The following LRP1B variants were observed in gnomAD, a reference collection of about 807,000 sequenced individuals.
LRP1B encodes low-density lipoprotein receptor-related protein 1B.
LRP1B carries 217 observed loss-of-function variants against 556.6 expected under a neutral mutation model. The ratio of observed to expected loss-of-function variants is 0.39; its 90% CI spans 0.35 to 0.44. The LOEUF is 0.44. Among genes scored for constraint, LRP1B ranks in the 20% least tolerant of loss-of-function variants. LRP1B has a pLI of 1.00. For synonymous variants in LRP1B, 2,047 were observed against 1,865.8 expected, an observed-to-expected ratio of 1.10 and a Z score of -2.50; for missense variants, 5,053 against 5,620.8, an observed-to-expected ratio of 0.90 and a Z score of 3.23.
Position 142,130,959 on chromosome 2 carries a change from G to C in LRP1B, c.-230C>G, listed in dbSNP as rs1205987566. On this transcript the variant is annotated 5_prime_UTR_variant, in exon 1 of 91. Transcript: ENST00000389484. ...GCGTGCGGGAGAGAGGAGGCAGAGC[G>C]TGTGTGAGCGCGAGCGAGACGCCCG... 3 of 580,842 alleles carry C rather than the reference G, an allele frequency of 5.2e-6. No individual in the cohort carries two copies. The highest frequency in any genetic ancestry group is 9.3e-6 in the Non-Finnish European group (3 of 323,606). The allele number at this position is 580,842 out of a possible 1,614,324, so 36.0% of individuals were successfully genotyped here.
chr2:140,427,886 A>G lies in LRP1B; in HGVS notation c.10414+14618T>C, dbSNP rs1685731999. 2.0e-5 allele frequency among the ~76,000 whole-genome samples: 3 copies of G among 151,456 alleles called. No individual in the cohort carries two copies. In the South Asian group the frequency reaches 6.3e-4, roughly 32 times the overall value. On this transcript the variant is annotated intron_variant, in intron 66 of 90. Coordinates refer to ENST00000389484, the MANE Select transcript of LRP1B (RefSeq NM_018557.3). The stretch of plus-strand genomic sequence containing the variant: ...TCCTTTTATCACCTCCCTTCCTCAC[A>G]CGGGGTCCGGCTTACAGTTTCATGC...
intron 3 of LRP1B, among the ~76,000 whole-genome samples, chr2:141,468,650 A>G (rs761898656): frequency 2.0e-5 from 3 of 152,190 alleles, no homozygotes; most frequent in Non-Finnish European, 4.4e-5. Context: ...TATTTAATTA[A>G]CCTAACTAAA....
At chr2:141,067,981 G>C (rs935165782) in intron 7 of LRP1B, among the ~76,000 whole-genome samples, 1 of 151,946 alleles carries the variant, frequency 6.6e-6, no homozygotes, top group African/African-American at 2.4e-5. Context: ...GTCCATCTTT[G>C]CTTCCTGTCC....
At chr2:140,381,255 C>T (rs1683472099) in intron 67 of LRP1B, among the ~76,000 whole-genome samples, 1 of 152,088 alleles carries the variant, frequency 6.6e-6, no homozygotes, top group Non-Finnish European at 1.5e-5. Context: ...AATTTTCAGA[C>T]TTTATCATGA....
At chr2:140,663,572 A>C (rs567347186) in intron 41 of LRP1B, among the ~76,000 whole-genome samples, 1 of 152,274 alleles carries the variant, frequency 6.6e-6, no homozygotes, top group Admixed American at 6.5e-5. Flanking sequence ...CTTCTCTCGG[A>C]CTTCATAGAA....
rs538217298 is a variant in LRP1B at position 141,495,831 on chromosome 2, T to C, written c.206-15298A>G. 2.6e-5 allele frequency among the ~76,000 whole-genome samples: 4 copies of C among 152,118 alleles called. No homozygotes were observed. The South Asian group carries it at 8.3e-4, about 32-fold the overall frequency. ...ATATATATCTGTCACTTCTAGAAAA[T>C]ATACAAATTCTTCTCTGCAACATTT... is the stretch of plus-strand genomic sequence containing the variant. On this transcript the variant is annotated intron_variant, in intron 2 of 90. Coordinates refer to ENST00000389484, the MANE Select transcript of LRP1B (RefSeq NM_018557.3).
intron 2 of LRP1B, among the ~76,000 whole-genome samples, chr2:141,510,960 A>G (rs1684110001): frequency 6.6e-6 from 1 of 151,636 alleles, no homozygotes; most frequent in Admixed American, 6.6e-5. Context: ...TTTTAAATTT[A>G]AGATAGAGAG....
intron 66 of LRP1B, among the ~76,000 whole-genome samples, chr2:140,399,898 CT>C (rs1322151335): frequency 6.6e-6 from 1 of 152,136 alleles, no homozygotes; most frequent in Non-Finnish European, 1.5e-5. Flanking sequence ...CTTAGACAGT[CT>C]TTGGTATTCC....
At chr2:141,505,127 CT>C (rs1180669840) in intron 2 of LRP1B, among the ~76,000 whole-genome samples, 20 of 151,776 alleles carry the variant, frequency 1.3e-4, no homozygotes, top group Admixed American at 1.2e-3. Flanking sequence ...CCCTCTCTCT[CT>C]TCCCCTCCCC....
chr2:141,790,365 A>G (rs1260246163), intron 2 of LRP1B, among the ~76,000 whole-genome samples: 1 of 151,544 alleles, frequency 6.6e-6, no homozygotes, highest in Non-Finnish European at 1.5e-5. Flanking sequence ...TATTATATAT[A>G]ATTTTTCTGA....
At chr2:141,544,789 CA>C (rs1489991800) in intron 2 of LRP1B, among the ~76,000 whole-genome samples, 1 of 151,960 alleles carries the variant, frequency 6.6e-6, no homozygotes, top group East Asian at 1.9e-4. Context: ...CCTCAGCCTC[CA>C]GGGTAGCTGG....
At chr2:141,903,540 G>T (rs1327809402) in intron 1 of LRP1B, among the ~76,000 whole-genome samples, 1 of 151,776 alleles carries the variant, frequency 6.6e-6, no homozygotes, top group East Asian at 1.9e-4. Context: ...AGAAAAGACA[G>T]TTAATATTTT....
chr2:141,223,116 A>G (rs984349057), intron 6 of LRP1B, among the ~76,000 whole-genome samples: 3 of 152,158 alleles, frequency 2.0e-5, no homozygotes, highest in Non-Finnish European at 2.9e-5. Context: ...TGCAGATGAC[A>G]CGATCCTATA....
At chr2:141,109,970 G>C (rs1449868553) in intron 7 of LRP1B, among the ~76,000 whole-genome samples, 2 of 152,116 alleles carry the variant, frequency 1.3e-5, no homozygotes, top group Non-Finnish European at 2.9e-5. Flanking sequence ...CTGAGCCAGG[G>C]GCTGCAATGA....
At chr2:140,621,037 C>A (rs1304334191) in intron 41 of LRP1B, among the ~76,000 whole-genome samples, 1 of 151,886 alleles carries the variant, frequency 6.6e-6, no homozygotes, top group African/African-American at 2.4e-5. Flanking sequence ...AATTAAAGTG[C>A]ATATATGAGG....
chr2:141,532,845 G>T (rs530052042), intron 2 of LRP1B, among the ~76,000 whole-genome samples: 1 of 152,116 alleles, frequency 6.6e-6, no homozygotes, highest in Non-Finnish European at 1.5e-5. Context: ...AATTAGCCGG[G>T]TATGGTGGTG....
chr2:141,688,623 T>C (rs2105441655), intron 2 of LRP1B, among the ~76,000 whole-genome samples: 1 of 151,982 alleles, frequency 6.6e-6, no homozygotes. Flanking sequence ...GGTTATATGA[T>C]TTACGGAAAG....
chr2:141,999,700 A>T (rs1301590293), intron 1 of LRP1B, among the ~76,000 whole-genome samples: 5 of 151,894 alleles, frequency 3.3e-5, no homozygotes, highest in Non-Finnish European at 7.4e-5. Context: ...TTTCTCATTA[A>T]ATTAAAGCAA....
intron 1 of LRP1B, among the ~76,000 whole-genome samples, chr2:141,891,079 C>G (rs1699276726): frequency 6.6e-6 from 1 of 152,104 alleles, no homozygotes; most frequent in African/African-American, 2.4e-5. Context: ...CTAACCTTCT[C>G]CACTTTACAG....
Sources: allele counts gnomAD v4.1 joint callset (sites outside exome capture counted in the v4.1 genomes callset), GRCh38; gene constraint gnomAD v4.1.1; transcripts MANE v1.5; gene names NCBI Gene and HGNC (gene_info 2026-07-23, HGNC 2026-07-21).